ZPBP: variants seen among roughly 807,000 people sequenced by gnomAD.
ZPBP encodes the protein zona pellucida-binding protein 1.
In ZPBP, 26 loss-of-function variants were observed where a neutral mutation model predicts 44.8. The ratio of observed to expected loss-of-function variants is 0.58; its 90% CI spans 0.43 to 0.81. ZPBP has a LOEUF of 0.81. Ranked by LOEUF, ZPBP falls within the 30% of genes least tolerant of loss-of-function variation. The pLI, the probability that ZPBP is intolerant of heterozygous loss-of-function variation, is 0.00. For missense variants in ZPBP, 409 were observed against 434.0 expected, an observed-to-expected ratio of 0.94 and a Z score of 0.51; for synonymous variants, 174 against 153.2, an observed-to-expected ratio of 1.14 and a Z score of -1.00.
intron 1 of ZPBP, chr7:49,921,128 T>A (rs1793998954): frequency 6.6e-6 from 1 of 152,204 alleles, no homozygotes; most frequent in African/African-American, 2.4e-5. Flanking sequence ...AACACTGTGC[T>A]TAGTGTTGAA....
chr7:49,931,661 C>T (rs1413933377), intron 1 of ZPBP, among the ~76,000 whole-genome samples: 2 of 152,166 alleles, frequency 1.3e-5, no homozygotes, highest in Non-Finnish European at 2.9e-5. Context: ...AAAGAAAAAC[C>T]CATTTTCTGG....
intron 2 of ZPBP, among the ~76,000 whole-genome samples, chr7:49,850,914 T>G: frequency 6.6e-6 from 1 of 152,226 alleles, no homozygotes; most frequent in South Asian, 2.1e-4. Flanking sequence ...GTGAAGTGAT[T>G]GTGGCACCAG....
At chr7:49,921,125 T>C (rs1793998661) in intron 1 of ZPBP, 1 of 152,158 alleles carries the variant, frequency 6.6e-6, no homozygotes, top group Admixed American at 6.5e-5. Context: ...GAGAACACTG[T>C]GCTTAGTGTT....
intron 7 of ZPBP, among the ~76,000 whole-genome samples, chr7:49,969,812 TATATATAGAG>T (rs1296351767): frequency 4.4e-5 from 5 of 114,068 alleles, no homozygotes; most frequent in Admixed American, 8.6e-5. Context: ...TGTATATATA[TATATATAGAG>T]AGAGAGAGAG....
intron 7 of ZPBP, among the ~76,000 whole-genome samples, chr7:49,963,081 T>C (rs1009231961): frequency 2.0e-5 from 3 of 151,514 alleles, no homozygotes; most frequent in African/African-American, 4.8e-5. Flanking sequence ...GAGAAGAATA[T>C]ATATGAATGT....
intron 2 of ZPBP, among the ~76,000 whole-genome samples, chr7:49,863,329 A>G (rs1010598780): frequency 6.6e-6 from 1 of 152,070 alleles, no homozygotes; most frequent in African/African-American, 2.4e-5. Flanking sequence ...AGTAATTTGT[A>G]TCTTCTCTCT....
intron 1 of ZPBP, among the ~76,000 whole-genome samples, chr7:50,092,351 C>A (rs2128859953): frequency 6.6e-6 from 1 of 152,280 alleles, no homozygotes; most frequent in South Asian, 2.1e-4. Context: ...CTATCCCCTA[C>A]CTACCTCCAC....
chr7:49,981,428 AAT>A (rs1796918103), intron 7 of ZPBP, among the ~76,000 whole-genome samples: 1 of 39,118 alleles, frequency 2.6e-5, no homozygotes, highest in African/African-American at 1.3e-4. Flanking sequence ...TATAATATAA[AAT>A]ATATATAATA....
chr7:49,897,845 C>T (rs1171317211), intron 2 of ZPBP, among the ~76,000 whole-genome samples: 3 of 152,198 alleles, frequency 2.0e-5, no homozygotes, highest in Non-Finnish European at 4.4e-5. Context: ...AGTTCCCACA[C>T]TTTGAGTTTT....
Position 50,018,302 on chromosome 7 carries a change from T to A in ZPBP, c.721A>T (p.Thr241Ser). 1 of 1,607,934 alleles carries A rather than the reference T, an allele frequency of 6.2e-7. No individual in the cohort carries two copies. The highest frequency in any genetic ancestry group is 8.5e-7 in the Non-Finnish European group (1 of 1,176,800). ...GTACATCGCTTGGGTCCTTTTTCAG[T>A]GTCTAGAGATGAAACTGAGAAAATA... ...FFAFSVSSLD[T>S]EKGPKRCTDH... Residue 241 changes from threonine to serine, a missense_variant, in exon 6 of 8, where the codon ACT (threonine) becomes TCT (serine). By Grantham distance (58) the Thr-to-Ser change is moderately conservative. Transcript: ENST00000046087.
intron 2 of ZPBP, among the ~76,000 whole-genome samples, chr7:50,086,579 C>G (rs967436603): frequency 4.0e-5 from 6 of 151,812 alleles, no homozygotes; most frequent in Admixed American, 1.3e-4. Context: ...GGGAAATTAA[C>G]TAGAAGGAAT....
chr7:49,950,432 G>A lies in ZPBP; in HGVS notation c.962-12810C>T, dbSNP rs1170423890. 4.6e-5 allele frequency among the ~76,000 whole-genome samples: 7 copies of A among 151,662 alleles called. No homozygotes were observed. The East Asian group carries it at 5.8e-4, about 12-fold the overall frequency. On this transcript the variant is annotated intron_variant, in intron 7 of 7. Transcript: ENST00000046087. Reference sequence around the variant, plus strand: ...CAACCATGACAATTTTATTTTATGCGACTGGACAAACCGTTTTAAAATTGG... The same window carrying A: ...CAACCATGACAATTTTATTTTATGCAACTGGACAAACCGTTTTAAAATTGG...
At chr7:49,952,573 G>A (rs575455765) in intron 7 of ZPBP, among the ~76,000 whole-genome samples, 111 of 152,014 alleles carry the variant, frequency 7.3e-4, no homozygotes, top group African/African-American at 2.6e-3. Context: ...AAATGTAAAA[G>A]CCCATCACAT....
At chr7:49,887,780 T>G (rs1012742265) in intron 2 of ZPBP, among the ~76,000 whole-genome samples, 2 of 152,208 alleles carry the variant, frequency 1.3e-5, no homozygotes, top group African/African-American at 4.8e-5. Flanking sequence ...GCACTTCCAC[T>G]GTCTGGAATG....
At chr7:49,918,491 G>T (rs1027122723) in intron 1 of ZPBP, 1 of 152,114 alleles carries the variant, frequency 6.6e-6, no homozygotes, top group African/African-American at 2.4e-5. Flanking sequence ...TAGTCTAAAT[G>T]CTTATGCTAT....
intron 7 of ZPBP, among the ~76,000 whole-genome samples, chr7:49,981,632 T>A: frequency 3.7e-5 from 3 of 81,676 alleles, no homozygotes; most frequent in Non-Finnish European, 6.2e-5. Context: ...TTATATTATA[T>A]TATATATTAT....
rs369063422 is a variant in ZPBP, at chr7:49,912,175, G to A, written n.412-10960C>T. ...GCCATGTGCACGAGACATGAATGCAGGCAAATGTAGACGCTTCCCAGAACA... is the reference window on the plus strand; with the variant it reads ...GCCATGTGCACGAGACATGAATGCAAGCAAATGTAGACGCTTCCCAGAACA... On this transcript the variant is annotated intron_variant and non_coding_transcript_variant, in intron 1 of 2. Transcript: ENST00000465922. 35 of 1,613,680 alleles carry A rather than the reference G, an allele frequency of 2.2e-5. No homozygotes were observed. The highest frequency in any genetic ancestry group is 9.3e-6 in the Non-Finnish European group (11 of 1,179,868).
chr7:50,084,874 G>A (rs1460066646), intron 2 of ZPBP, among the ~76,000 whole-genome samples: 1 of 152,022 alleles, frequency 6.6e-6, no homozygotes, highest in Non-Finnish European at 1.5e-5. Context: ...GAGGAAAAGT[G>A]TAGAAATTAT....
intron 7 of ZPBP, among the ~76,000 whole-genome samples, chr7:49,962,517 C>G (rs911305795): frequency 5.3e-5 from 8 of 151,734 alleles, no homozygotes; most frequent in African/African-American, 1.9e-4. Flanking sequence ...TTATGAAAAG[C>G]CCACAACTAG....
Sources: allele counts gnomAD v4.1 joint callset (sites outside exome capture counted in the v4.1 genomes callset), GRCh38; gene constraint gnomAD v4.1.1; transcripts MANE v1.5; gene names NCBI Gene and HGNC (gene_info 2026-07-23, HGNC 2026-07-21).